Variants in RYR3 observed in about 807,000 individuals in gnomAD.
RYR3 encodes the protein ryanodine receptor 3.
Under a neutral mutation model 584.3 loss-of-function variants are expected in RYR3, and 207 were observed. That is an observed-to-expected ratio of 0.35 (90% CI 0.32 to 0.40). The LOEUF is 0.40. RYR3 is among the 10% of genes least tolerant of loss of function. The pLI is 1.00. For synonymous variants in RYR3, 2,416 were observed against 2,248.5 expected (o/e 1.07, Z -2.11); for missense variants, 5,616 against 6,089.2 (o/e 0.92, Z 2.59).
chr15:33,730,366 T>C (rs1429318550), intron 47 of RYR3, among the ~76,000 whole-genome samples: 1 of 152,202 alleles, frequency 6.6e-6, no homozygotes, highest in Non-Finnish European at 1.5e-5. Flanking sequence ...CATTAACACA[T>C]AGACATTCAT....
At chr15:33,847,807 C>A (rs1328403492) in intron 93 of RYR3, among the ~76,000 whole-genome samples, 1 of 152,226 alleles carries the variant, frequency 6.6e-6, no homozygotes, top group African/African-American at 2.4e-5. Context: ...AACTATGAGA[C>A]CATGTTTCAT....
chr15:33,563,217 C>T (rs932082740), intron 11 of RYR3, among the ~76,000 whole-genome samples: 1 of 152,136 alleles, frequency 6.6e-6, no homozygotes, highest in East Asian at 1.9e-4. Flanking sequence ...GGGGAAAAAA[C>T]AAATACACAG....
At chr15:33,782,941 C>G (rs868275695) in intron 65 of RYR3, among the ~76,000 whole-genome samples, 10 of 152,278 alleles carry the variant, frequency 6.6e-5, no homozygotes, top group Middle Eastern at 3.4e-3. Context: ...AATCAGAACA[C>G]TAGATGTCAG....
chr15:33,720,869 G>C (rs554079207), intron 43 of RYR3, among the ~76,000 whole-genome samples: 13 of 135,420 alleles, frequency 9.6e-5, no homozygotes, highest in Non-Finnish European at 1.7e-4. Context: ...GCCAGACCCT[G>C]TCTCTTAAAA....
chr15:33,411,253 G>C (rs896054305), intron 1 of RYR3, among the ~76,000 whole-genome samples: 2 of 152,258 alleles, frequency 1.3e-5, no homozygotes, highest in Middle Eastern at 3.4e-3. Context: ...AGAAAAGTTA[G>C]GAGTATTCAC....
At chr15:33,779,989 T>C (rs185367287) in intron 64 of RYR3, among the ~76,000 whole-genome samples, 12 of 152,156 alleles carry the variant, frequency 7.9e-5, no homozygotes, top group African/African-American at 2.9e-4. Flanking sequence ...CCAGCCTGGG[T>C]GACAGAGCAA....
intron 39 of RYR3, 148 bp downstream of exon 39, chr15:33,696,639 T>A (rs930185283): frequency 6.5e-5 from 55 of 843,630 alleles, no homozygotes; most frequent in Non-Finnish European, 8.3e-5. Context: ...AGTCATATCC[T>A]TTGCAACCTG....
intron 8 of RYR3, among the ~76,000 whole-genome samples, chr15:33,546,960 AT>A (rs1486183189): frequency 1.3e-5 from 2 of 152,202 alleles, no homozygotes; most frequent in Non-Finnish European, 1.5e-5. Context: ...GTGAATGTAA[AT>A]GCAGTTAAAT....
intron 12 of RYR3, among the ~76,000 whole-genome samples, chr15:33,579,615 A>T (rs931928604): frequency 6.6e-6 from 1 of 152,226 alleles, no homozygotes; most frequent in Admixed American, 6.5e-5. Context: ...TCACAGTTGA[A>T]ATTACCTCTT....
At chr15:33,862,925 T>C (rs1437653229) in intron 102 of RYR3, among the ~76,000 whole-genome samples, 3 of 152,234 alleles carry the variant, frequency 2.0e-5, no homozygotes, top group Non-Finnish European at 2.9e-5. Context: ...CCTCAAAAAC[T>C]TGAGTTTTAA....
intron 45 of RYR3, among the ~76,000 whole-genome samples, 156 bp from the exon 46 acceptor site, chr15:33,726,230 C>T (rs1362234386): frequency 6.6e-6 from 1 of 152,156 alleles, no homozygotes; most frequent in Non-Finnish European, 1.5e-5. Context: ...TGCCACTCTC[C>T]TCTTTCCCTG....
chr15:33,619,163 T>C (rs2060596932), intron 19 of RYR3, among the ~76,000 whole-genome samples: 1 of 152,172 alleles, frequency 6.6e-6, no homozygotes, highest in South Asian at 2.1e-4. Flanking sequence ...TGAGAGCTGA[T>C]GAAATATCTG....
Position 33,822,017 on chromosome 15 carries a change from C to CCATTCATTCATTCATTCATTCATTCATT in RYR3, c.10995+431_10995+432insCATTCATTCATTCATTCATTCATTCATT, listed in dbSNP as rs58113782. ...ACAAACCTGTTATTCGTTCGTTCATCCATTCATTCATTCATTGAGCAACTG... is the reference window on the plus strand; with the variant it reads ...ACAAACCTGTTATTCGTTCGTTCATCCATTCATTCATTCATTCATTCATTCATTCATTCATTCATTCATTGAGCAACTG... On this transcript the variant is annotated intron_variant, in intron 80 of 103. Transcript: ENST00000634891. 5.7e-4 allele frequency among the ~76,000 whole-genome samples: 86 copies of CCATTCATTCATTCATTCATTCATTCATT among 151,536 alleles called. 1 individual carries two copies. The highest frequency in any genetic ancestry group is 3.4e-3 in the Middle Eastern group (1 of 292).
intron 10 of RYR3, among the ~76,000 whole-genome samples, chr15:33,555,283 G>C (rs1300649372): frequency 1.3e-5 from 2 of 152,158 alleles, no homozygotes; most frequent in Non-Finnish European, 2.9e-5. Context: ...AAACAGCGCT[G>C]TTTTTGCCAG....
intron 1 of RYR3, among the ~76,000 whole-genome samples, chr15:33,394,241 C>T (rs140233722): frequency 1.1e-3 from 173 of 152,294 alleles, no homozygotes; most frequent in Non-Finnish European, 1.7e-3. Context: ...GGCATGGTGC[C>T]AACCCTATGA....
intron 60 of RYR3, among the ~76,000 whole-genome samples, chr15:33,760,846 G>A (rs970759722): frequency 8.5e-5 from 13 of 152,124 alleles, no homozygotes; most frequent in Admixed American, 2.0e-4. Flanking sequence ...CACATAATTG[G>A]AAGTAAAGCA....
At chr15:33,499,881 G>A (rs148541657) in intron 2 of RYR3, among the ~76,000 whole-genome samples, 1 of 152,318 alleles carries the variant, frequency 6.6e-6, no homozygotes, top group African/African-American at 2.4e-5. Context: ...TATCACTGAG[G>A]CATGACTGTG....
At chr15:33,861,244 A>AGTTC (rs1343031910) in intron 102 of RYR3, 66 bp downstream of exon 102, 1 of 1,175,910 alleles carries the variant, frequency 8.5e-7, no homozygotes, top group Non-Finnish European at 1.2e-6. Context: ...TAGGTCATAT[A>AGTTC]GTTCAGTCTC....
intron 99 of RYR3, chr15:33,858,141 G>A (rs576264861): frequency 7.2e-5 from 41 of 572,530 alleles, no homozygotes; most frequent in Middle Eastern, 4.6e-4. Flanking sequence ...TCTAAGCCCC[G>A]TGGAAAGGGA....
Sources: allele counts gnomAD v4.1 joint callset (sites outside exome capture counted in the v4.1 genomes callset), GRCh38; gene constraint gnomAD v4.1.1; transcripts MANE v1.5; gene names NCBI Gene and HGNC (gene_info 2026-07-23, HGNC 2026-07-21).